The following PPP2R1A variants were observed in gnomAD, a reference collection of about 807,000 sequenced individuals.
PPP2R1A encodes the protein serine/threonine-protein phosphatase 2A 65 kDa regulatory subunit A alpha isoform.
PPP2R1A carries 15 observed loss-of-function variants against 67.1 expected under a neutral mutation model. The ratio of observed to expected loss-of-function variants is 0.22; its 90% CI spans 0.15 to 0.34. The LOEUF is 0.34. Ranked by LOEUF, PPP2R1A falls within the 10% of genes least tolerant of loss-of-function variation. The pLI, the probability that PPP2R1A is intolerant of heterozygous loss-of-function variation, is 1.00. For missense variants in PPP2R1A, 369 were observed against 775.0 expected, an observed-to-expected ratio of 0.48 and a Z score of 6.22; for synonymous variants, 337 against 325.0, an observed-to-expected ratio of 1.04 and a Z score of -0.40.
At chr19:52,201,871 T>C in intron 1 of PPP2R1A, 73 bp from the exon 2 acceptor site, 1 of 1,414,572 alleles carries the variant, frequency 7.1e-7, no homozygotes, top group Non-Finnish European at 9.9e-7. Flanking sequence ...GCTGACTGGG[T>C]TGAGAGCTGT....
intron 2 of PPP2R1A, among the ~76,000 whole-genome samples, chr19:52,203,700 A>C (rs1431468898): frequency 6.6e-6 from 1 of 152,106 alleles, no homozygotes; most frequent in Non-Finnish European, 1.5e-5. Flanking sequence ...CAGTTCTGAC[A>C]CGTCTGCCCA....
chr19:52,190,079 G>A lies in PPP2R1A; in HGVS notation c.-18G>A, dbSNP rs1056237926. ...CACAGCGCTGGCCGCAGTCTGACAG[G>A]AAAGGGACGGAGCCAAGATGGCGGC... On this transcript the variant is annotated 5_prime_UTR_variant, in exon 1 of 15. Coordinates refer to ENST00000322088, the MANE Select transcript of PPP2R1A (RefSeq NM_014225.6). 3.2e-6 allele frequency: 5 copies of A among 1,549,586 alleles called. No homozygotes were observed. The African/African-American group carries it at 5.5e-5, about 17-fold the overall frequency.
intron 2 of PPP2R1A, among the ~76,000 whole-genome samples, chr19:52,203,358 C>T (rs1023118639): frequency 6.6e-6 from 1 of 152,150 alleles, no homozygotes; most frequent in Non-Finnish European, 1.5e-5. Flanking sequence ...GACTTGAAAG[C>T]TTTAGAATGC....
chr19:52,222,152 G>T lies in PPP2R1A; in HGVS notation c.1572G>T (p.Thr524=), dbSNP rs147064842. The T allele has an allele frequency of 2.8e-5, 46 of 1,614,144 alleles. No homozygotes were observed. The highest frequency in any genetic ancestry group is 3.8e-5 in the Non-Finnish European group (45 of 1,180,022). Residue 524 remains threonine, a synonymous_variant, in exon 13 of 15, where the codon ACG becomes ACT. Coordinates refer to ENST00000322088, the MANE Select transcript of PPP2R1A (RefSeq NM_014225.6). ...QDITTKHMLP[T]VLRMAGDPVA... ...TCACCACCAAGCACATGCTACCCAC[G>T]GTTCTGCGCATGGCTGGGGACCCGG... is the stretch of plus-strand genomic sequence containing the variant.
chr19:52,205,537 A>G (rs1394003264), intron 2 of PPP2R1A, among the ~76,000 whole-genome samples: 1 of 152,176 alleles, frequency 6.6e-6, no homozygotes, highest in East Asian at 1.9e-4. Flanking sequence ...CAAGGATAAA[A>G]ATAAATTTCT....
Position 52,213,409 on chromosome 19 carries a change from G to A in PPP2R1A, c.807+299G>A, listed in dbSNP as rs1409546538. ...GGGGTGTTCCTGACATAATCAAGCT[G>A]TCCTTTCACAAAGGGGAAGACAGCC... On this transcript the variant is annotated intron_variant, in intron 6 of 14. Coordinates refer to ENST00000322088, the MANE Select transcript of PPP2R1A (RefSeq NM_014225.6). This position sits in a 1 kb window ranked among gnomAD's most constrained non-coding sequence, Gnocchi z 4.2. Among the ~76,000 whole-genome samples the A allele has an allele frequency of 6.9e-6, 1 of 145,168 alleles. No homozygotes were observed. Among genetic ancestry groups the A allele is most frequent in the African/African-American group, 2.6e-5 (1 of 38,870 alleles).
chr19:52,201,876 AG>A, intron 1 of PPP2R1A, 67 bp from the exon 2 acceptor site: 2 of 1,439,322 alleles, frequency 1.4e-6, no homozygotes, highest in Non-Finnish European at 1.9e-6. Context: ...CTGGGTTGAG[AG>A]CTGTCAGAAC....
chr19:52,213,473 T>G lies in PPP2R1A; in HGVS notation c.807+363T>G, dbSNP rs1439783578. Among the ~76,000 whole-genome samples, 12 of 119,038 alleles carry G rather than the reference T, an allele frequency of 1.0e-4. No individual in the cohort carries two copies. The highest frequency in any genetic ancestry group is 8.0e-4 in the South Asian group (3 of 3,766). The allele number at this position is 119,038 out of a possible 152,430, so 78.1% of individuals were successfully genotyped here. ...TTTTTTGGTGTTTTTTTTTTTTTTT[T>G]TTTTTTTTTTTTTTAAGATGGAGTC... On this transcript the variant is annotated intron_variant, in intron 6 of 14. Transcript: ENST00000322088. The surrounding 1 kb of genome is among the most constrained non-coding windows in gnomAD (Gnocchi z 4.2).
intron 1 of PPP2R1A, chr19:52,201,273 G>A (rs1316064955): frequency 6.6e-6 from 1 of 152,308 alleles, no homozygotes; most frequent in Non-Finnish European, 1.5e-5. Flanking sequence ...TACTGCTAAT[G>A]CTACTCTTGT....
chr19:52,205,736 T>A (rs185465234), intron 2 of PPP2R1A, among the ~76,000 whole-genome samples: 1 of 152,274 alleles, frequency 6.6e-6, no homozygotes, highest in Admixed American at 6.5e-5. Flanking sequence ...CAGTCAGTAT[T>A]TCACACCCGC....
intron 2 of PPP2R1A, among the ~76,000 whole-genome samples, chr19:52,203,322 G>C (rs749504048): frequency 7.2e-5 from 11 of 152,162 alleles, no homozygotes; most frequent in Admixed American, 1.3e-4. Flanking sequence ...CAAACCAGGT[G>C]GCTTCTATTG....
rs1366725186 is a variant in PPP2R1A, at chr19:52,194,833, G to A, written c.78+4659G>A. 3.3e-5 allele frequency among the ~76,000 whole-genome samples: 5 copies of A among 152,174 alleles called. No individual in the cohort carries two copies. The East Asian group carries it at 9.6e-4, about 29-fold the overall frequency. ...GAAATTGGCTTGCTCATTGTTCTGC[G>A]GTAGTCATATGGTGGGGATTGAGCA... On this transcript the variant is annotated intron_variant, in intron 1 of 14. Coordinates refer to ENST00000322088, the MANE Select transcript of PPP2R1A (RefSeq NM_014225.6).
In PPP2R1A at chr19:52,220,227, C is replaced by T; in HGVS notation, c.1341C>T (p.Cys447=). The T allele has an allele frequency of 6.2e-7, 1 of 1,614,048 alleles. No individual in the cohort carries two copies. The highest frequency in any genetic ancestry group is 8.5e-7 in the Non-Finnish European group (1 of 1,179,982). Residue 447 remains cysteine (C), a synonymous_variant, in exon 11 of 15, where the codon TGC becomes TGT. Transcript: ENST00000322088. The part of the protein sequence containing the change: ...EFFDEKLNSL[C]MAWLVDHVYA... ...TTGATGAGAAACTTAACTCCTTGTG[C>T]ATGGCCTGGCTTGTGGATCATGGTG...
Position 52,215,880 on chromosome 19 carries a change from C to T in PPP2R1A, c.909C>T (p.Ser303=), listed in dbSNP as rs371666912. 4 of 1,613,936 alleles carry T rather than the reference C, an allele frequency of 2.5e-6. No individual in the cohort carries two copies. The African/African-American group carries it at 4.0e-5, about 16-fold the overall frequency. ...DCEAEVRAAA[S]HKVKEFCENL... ...AGGCCGAGGTGAGGGCCGCAGCCTCCCACAAGGTCAAAGGTTGGTGCTGGC... is the reference window on the plus strand; with the variant it reads ...AGGCCGAGGTGAGGGCCGCAGCCTCTCACAAGGTCAAAGGTTGGTGCTGGC... Residue 303 remains serine (S), a synonymous_variant, in exon 7 of 15, where the codon TCC becomes TCT. Coordinates refer to ENST00000322088, the MANE Select transcript of PPP2R1A (RefSeq NM_014225.6).
intron 9 of PPP2R1A, among the ~76,000 whole-genome samples, chr19:52,217,287 C>G (rs1978635929): frequency 6.6e-6 from 1 of 152,236 alleles, no homozygotes; most frequent in Non-Finnish European, 1.5e-5. Flanking sequence ...CAGCCTCCAC[C>G]TTCCAGGCTC....
chr19:52,202,948 T>G (rs2089566328), intron 2 of PPP2R1A, among the ~76,000 whole-genome samples: 1 of 152,236 alleles, frequency 6.6e-6, no homozygotes. Context: ...GGTAAAGCAT[T>G]TAATACACTG....
At position 52,216,625 on chromosome 19, in the gene PPP2R1A, C is replaced by T. The variant is rs2122351210; in HGVS notation, c.1090C>T (p.His364Tyr). 1 of 1,614,172 alleles carries T rather than the reference C, an allele frequency of 6.2e-7. No individual in the cohort carries two copies. Among genetic ancestry groups the T allele is most frequent in the Non-Finnish European group, 8.5e-7 (1 of 1,180,034 alleles). Residue 364 changes from histidine to tyrosine, a missense_variant, in exon 9 of 15, where the codon CAC (histidine) becomes TAC (tyrosine). His to Tyr is a moderately conservative substitution (Grantham distance 83). Around this residue, in one of 2 missense-constraint regions of PPP2R1A, gnomAD observed 276 missense variants for 508.4 expected, o/e 0.54. Coordinates refer to ENST00000322088, the MANE Select transcript of PPP2R1A (RefSeq NM_014225.6). The surrounding 1 kb of genome is among the most constrained non-coding windows in gnomAD (Gnocchi z 4.3). ...PILGKDNTIE[H>Y]LLPLFLAQLK... The stretch of plus-strand genomic sequence containing the variant: ...CTTGGGCAAAGACAACACCATCGAG[C>T]ACCTCTTGCCCCTCTTCCTGGCTCA...
At chr19:52,218,196 T>G (rs1370248729) in intron 9 of PPP2R1A, among the ~76,000 whole-genome samples, 2 of 152,180 alleles carry the variant, frequency 1.3e-5, no homozygotes, top group African/African-American at 4.8e-5. Context: ...TGTGTGAGGC[T>G]TCCCAAAAGC....
intron 3 of PPP2R1A, among the ~76,000 whole-genome samples, chr19:52,209,318 C>G (rs375977293): frequency 6.6e-6 from 1 of 152,126 alleles, no homozygotes; most frequent in Non-Finnish European, 1.5e-5. Context: ...AACTCTGTCC[C>G]TGCAGTATCC....
Sources: allele counts gnomAD v4.1 joint callset (sites outside exome capture counted in the v4.1 genomes callset), GRCh38; gene constraint gnomAD v4.1.1; regional missense constraint gnomAD v4.1.1; non-coding constraint Gnocchi (gnomAD v3.1); transcripts MANE v1.5; gene names NCBI Gene and HGNC (gene_info 2026-07-23, HGNC 2026-07-21).